The following ARL6IP1 variants were observed in gnomAD, a reference collection of about 807,000 sequenced individuals.
ARL6IP1 encodes ARL6 interacting reticulophagy regulator 1.
Under a neutral mutation model 30.1 loss-of-function variants are expected in ARL6IP1, and 16 were observed. The ratio of observed to expected loss-of-function variants is 0.53; its 90% CI spans 0.36 to 0.81. ARL6IP1 has a LOEUF of 0.81. Among genes scored for constraint, ARL6IP1 ranks in the 30% least tolerant of loss-of-function variants. ARL6IP1 has a pLI of 0.01. For synonymous variants in ARL6IP1, 72 were observed against 84.8 expected, an observed-to-expected ratio of 0.85 and a Z score of 0.83; for missense variants, 173 against 242.7, an observed-to-expected ratio of 0.71 and a Z score of 1.91.
intron 2 of ARL6IP1, 22 bp from the exon 3 acceptor site, chr16:18,798,066 G>A (rs2030294772): frequency 1.9e-6 from 3 of 1,560,928 alleles, no homozygotes; most frequent in Non-Finnish European, 2.6e-6. Flanking sequence ...ATTAATAAAG[G>A]TTAGAAAAAC....
intron 1 of ARL6IP1, among the ~76,000 whole-genome samples, chr16:18,799,202 G>A (rs1024681047): frequency 6.6e-6 from 1 of 152,052 alleles, no homozygotes. Context: ...TGTAGAGACA[G>A]GGTTTCACCA....
intron 3 of ARL6IP1, among the ~76,000 whole-genome samples, chr16:18,797,406 G>T (rs920072984): frequency 3.3e-5 from 5 of 150,536 alleles, no homozygotes; most frequent in African/African-American, 4.9e-5. Flanking sequence ...AAAAGAGAAT[G>T]GTATAAATAA....
At chr16:18,795,973 A>G (rs1373511401) in intron 3 of ARL6IP1, among the ~76,000 whole-genome samples, 2 of 152,236 alleles carry the variant, frequency 1.3e-5, no homozygotes, top group Non-Finnish European at 2.9e-5. Flanking sequence ...TATACCTACC[A>G]GAATCCCACC....
At position 18,801,485 on chromosome 16, in the gene ARL6IP1, T is replaced by G. The variant is rs765304408; in HGVS notation, c.-19A>C. On this transcript the variant is annotated 5_prime_UTR_variant, in exon 1 of 6. Coordinates refer to ENST00000304414, the MANE Select transcript of ARL6IP1 (RefSeq NM_015161.3). ...CCGCCATCGTCTCGGGGATGCAGTC[T>G]CTACAAGCGCAGGCCACCTCCCCAA... 5.0e-6 allele frequency: 8 copies of G among 1,611,344 alleles called. No individual in the cohort carries two copies. The highest frequency in any genetic ancestry group is 1.1e-5 in the South Asian group (1 of 90,396).
rs1263248698 is a variant in ARL6IP1, at chr16:18,791,739, A to G, written c.*1513T>C. 1 of 152,324 alleles carries G rather than the reference A, an allele frequency of 6.6e-6. No individual in the cohort carries two copies. The highest frequency in any genetic ancestry group is 1.9e-4 in the East Asian group (1 of 5,198). 9.4% of individuals were successfully genotyped at this position (152,324 alleles called of 1,614,324 possible). A position where few individuals can be genotyped will look rare whatever the true frequency, so the allele number is the denominator to read the frequency against. The stretch of plus-strand genomic sequence containing the variant: ...GTAGAAGAAATAATACAGGATTAAA[A>G]CTGCAAAAGTAGTTAATCAGTAGAA... On this transcript the variant is annotated 3_prime_UTR_variant, in exon 6 of 6. Coordinates refer to ENST00000304414, the MANE Select transcript of ARL6IP1 (RefSeq NM_015161.3).
intron 1 of ARL6IP1, among the ~76,000 whole-genome samples, chr16:18,799,545 G>T (rs1472333322): frequency 6.6e-6 from 1 of 152,114 alleles, no homozygotes; most frequent in Admixed American, 6.5e-5. Flanking sequence ...TATTTCAGAT[G>T]GTTAGAATTG....
intron 2 of ARL6IP1, 49 bp from the exon 3 acceptor site, chr16:18,798,093 C>T: frequency 6.6e-7 from 1 of 1,507,904 alleles, no homozygotes; most frequent in Non-Finnish European, 9.0e-7. Flanking sequence ...ATTATTATTC[C>T]TAACTAAACA....
Position 18,801,525 on chromosome 16 carries a change from G to T in ARL6IP1, c.-59C>A. The T allele has an allele frequency of 6.3e-7, 1 of 1,593,116 alleles. No individual in the cohort carries two copies. The highest frequency in any genetic ancestry group is 8.5e-7 in the Non-Finnish European group (1 of 1,170,974). On this transcript the variant is annotated 5_prime_UTR_variant, in exon 1 of 6. Coordinates refer to ENST00000304414, the MANE Select transcript of ARL6IP1 (RefSeq NM_015161.3). ...CACCTCCCCAACGAGTCCTCCAACC[G>T]AAACCCGCACACCAACCACAACCCG...
chr16:18,793,311 C>T lies in ARL6IP1; in HGVS notation c.553G>A (p.Gly185Arg). The change falls in exon 6 of 6, where the codon GGA becomes AGA. Residue 185 changes from glycine (G) to arginine (R), a missense_variant. Gly to Arg is a moderately radical substitution (Grantham distance 125). Coordinates refer to ENST00000304414, the MANE Select transcript of ARL6IP1 (RefSeq NM_015161.3). ...TTGTTTATCTCCCTCTTGGCCATTC[C>T]AATGTACTTCAAAATGATTCCATGT... is the stretch of plus-strand genomic sequence containing the variant. ...NQHGIILKYI[G>R]MAKREINKLL... 1 of 1,612,972 alleles carries T rather than the reference C, an allele frequency of 6.2e-7. No individual in the cohort carries two copies. The highest frequency in any genetic ancestry group is 1.3e-5 in the African/African-American group (1 of 74,872).
rs529866806 is a variant in ARL6IP1, at chr16:18,795,780, T to C, written c.291-199A>G. 2.6e-5 allele frequency among the ~76,000 whole-genome samples: 4 copies of C among 151,252 alleles called. No homozygotes were observed. In the South Asian group the frequency reaches 8.4e-4, roughly 32 times the overall value. On this transcript the variant is annotated intron_variant, in intron 3 of 5. Transcript: ENST00000304414. ...CAGGAGTAAGTATTTACATAAACTA[T>C]GTGTGTGAGAGAGAGAGTGTGTGTG...
At chr16:18,794,798 C>A in intron 4 of ARL6IP1, 115 bp from the exon 5 acceptor site, 2 of 651,384 alleles carry the variant, frequency 3.1e-6, no homozygotes, top group Non-Finnish European at 2.5e-6. Context: ...AATAATTTAG[C>A]TTTTATTATC....
intron 1 of ARL6IP1, chr16:18,801,218 GC>G (rs1248898517): frequency 4.3e-6 from 6 of 1,409,174 alleles, no homozygotes; most frequent in Non-Finnish European, 5.5e-6. Flanking sequence ...TGAATCACGC[GC>G]CCTCCTCGCC....
Position 18,793,109 on chromosome 16 carries a change from G to T in ARL6IP1, c.*143C>A. 1.7e-6 allele frequency: 1 copy of T among 584,216 alleles called. No homozygotes were observed. Among genetic ancestry groups the T allele is most frequent in the African/African-American group, 1.9e-5 (1 of 52,420 alleles). The allele number at this position is 584,216 out of a possible 1,614,324, so 36.2% of individuals were successfully genotyped here. ...CACTATGCACGAAGCCTTACTTGGCGAGTCTGAATTTCTATTAACTAAGGG... is the reference window on the plus strand; with the variant it reads ...CACTATGCACGAAGCCTTACTTGGCTAGTCTGAATTTCTATTAACTAAGGG... On this transcript the variant is annotated 3_prime_UTR_variant, in exon 6 of 6. Transcript: ENST00000304414.
chr16:18,794,764 A>G, intron 4 of ARL6IP1, 81 bp from the exon 5 acceptor site: 1 of 1,016,884 alleles, frequency 9.8e-7, no homozygotes, highest in Non-Finnish European at 1.5e-6. Context: ...TCAATTAAAG[A>G]AGAATGTGTT....
At chr16:18,793,968 G>A (rs754983179) in intron 5 of ARL6IP1, among the ~76,000 whole-genome samples, 7 of 151,860 alleles carry the variant, frequency 4.6e-5, no homozygotes, top group African/African-American at 7.3e-5. Flanking sequence ...AGGTTATTAC[G>A]TGTGTATGGC....
At chr16:18,800,217 T>C (rs2030366157) in intron 1 of ARL6IP1, among the ~76,000 whole-genome samples, 1 of 152,242 alleles carries the variant, frequency 6.6e-6, no homozygotes, top group Admixed American at 6.5e-5. Flanking sequence ...TTCATATTTA[T>C]ACTTCAATTA....
At chr16:18,793,736 TCTCA>T (rs1184538965) in intron 5 of ARL6IP1, among the ~76,000 whole-genome samples, 2 of 151,500 alleles carry the variant, frequency 1.3e-5, no homozygotes, top group African/African-American at 4.9e-5. Context: ...CAGCGACAAG[TCTCA>T]CTCTTTTTGC....
rs774280264 is a variant in ARL6IP1 at position 18,793,199 on chromosome 16, C to T, written c.*53G>A. 84 of 1,199,714 alleles carry T rather than the reference C, an allele frequency of 7.0e-5. No individual in the cohort carries two copies. The highest frequency in any genetic ancestry group is 2.6e-4 in the South Asian group (20 of 77,300). The allele number at this position is 1,199,714 out of a possible 1,614,324, so 74.3% of individuals were successfully genotyped here. ...TAGTATCCAGATAGTACAGCAGAAA[C>T]GGTTCCCGGGGCAATGGGTGCTGCA... On this transcript the variant is annotated 3_prime_UTR_variant, in exon 6 of 6. Coordinates refer to ENST00000304414, the MANE Select transcript of ARL6IP1 (RefSeq NM_015161.3).
chr16:18,795,246 A>G (rs77909247), intron 4 of ARL6IP1: 41 of 408,532 alleles, frequency 1.0e-4, no homozygotes, highest in African/African-American at 8.1e-4. Flanking sequence ...AAGAAAAATG[A>G]AACAGAAGAA....
Sources: allele counts gnomAD v4.1 joint callset (sites outside exome capture counted in the v4.1 genomes callset), GRCh38; gene constraint gnomAD v4.1.1; transcripts MANE v1.5; gene names NCBI Gene and HGNC (gene_info 2026-07-23, HGNC 2026-07-21).